VTA1: variants seen among roughly 807,000 people sequenced by gnomAD.
The protein encoded by VTA1 is vacuolar protein sorting-associated protein VTA1 homolog.
Under a neutral mutation model 36.9 loss-of-function variants are expected in VTA1, and 24 were observed. The ratio of observed to expected loss-of-function variants is 0.65; its 90% confidence interval spans 0.47 to 0.91. The LOEUF is 0.91. VTA1 is among the 40% of genes least tolerant of loss of function. The pLI is 0.00. For missense variants in VTA1, 393 were observed against 377.2 expected (o/e 1.04, Z -0.35); for synonymous variants, 142 against 130.2 (o/e 1.09, Z -0.62).
chr6:142,160,334 G>T (rs535185316), intron 1 of VTA1, among the ~76,000 whole-genome samples: 1 of 152,220 alleles, frequency 6.6e-6, no homozygotes, highest in Admixed American at 6.5e-5. Flanking sequence ...TTCTAACCCT[G>T]TGTGTGCATT....
At chr6:142,166,848 A>T (rs1426743827) in intron 2 of VTA1, among the ~76,000 whole-genome samples, 1 of 150,450 alleles carries the variant, frequency 6.6e-6, no homozygotes, top group African/African-American at 2.5e-5. Flanking sequence ...CCTGTCTGAA[A>T]CTCCTGACCT....
At chr6:142,217,317 G>A (rs1467068466) in intron 7 of VTA1, among the ~76,000 whole-genome samples, 1 of 152,018 alleles carries the variant, frequency 6.6e-6, no homozygotes, top group African/African-American at 2.4e-5. Context: ...TTAAAATGTG[G>A]GAAATAATTT....
intron 7 of VTA1, among the ~76,000 whole-genome samples, chr6:142,213,109 A>G (rs1418764339): frequency 6.6e-6 from 1 of 152,184 alleles, no homozygotes; most frequent in Non-Finnish European, 1.5e-5. Flanking sequence ...AGCCTGTAAA[A>G]TCAAAAACAA....
At chr6:142,178,951 A>G (rs1349905135) in intron 4 of VTA1, among the ~76,000 whole-genome samples, 1 of 152,162 alleles carries the variant, frequency 6.6e-6, no homozygotes, top group African/African-American at 2.4e-5. Flanking sequence ...TCAAGTGGCC[A>G]TAGATAAAAT....
intron 7 of VTA1, among the ~76,000 whole-genome samples, chr6:142,208,754 G>A (rs572612301): frequency 1.3e-5 from 2 of 152,170 alleles, no homozygotes; most frequent in East Asian, 1.9e-4. Context: ...CAGGCCAGTA[G>A]GTATTGGAAC....
chr6:142,206,523 G>C (rs981668782), intron 7 of VTA1, among the ~76,000 whole-genome samples: 19 of 152,156 alleles, frequency 1.2e-4, no homozygotes, highest in Middle Eastern at 3.2e-3. Context: ...GTTCTTCCCA[G>C]CTTGGTCTAT....
At chr6:142,206,447 G>A (rs1485574667) in intron 7 of VTA1, among the ~76,000 whole-genome samples, 1 of 152,196 alleles carries the variant, frequency 6.6e-6, no homozygotes, top group African/African-American at 2.4e-5. Flanking sequence ...TCATGAAAGA[G>A]TCAAAGAATT....
In VTA1 at chr6:142,147,304, C is replaced by A. The variant is rs781192805; in HGVS notation, c.17C>A (p.Pro6Gln). 11 of 1,614,068 alleles carry A rather than the reference C, an allele frequency of 6.8e-6. No homozygotes were observed. The South Asian group carries it at 1.1e-4, about 16-fold the overall frequency. MAALA[P>Q]LPPLPAQFKS... ...GGAGTAGAGATGGCCGCGCTTGCAC[C>A]GCTGCCCCCGCTCCCCGCACAGTTC... The change falls in exon 1 of 8, where the codon CCG becomes CAG. Residue 6 changes from proline (P) to glutamine (Q), a missense_variant. Transcript: ENST00000367630.
rs1776080993 is a variant in VTA1, at chr6:142,220,156, A to C, written c.*1513A>C. 6.6e-6 allele frequency: 1 copy of C among 152,220 alleles called. No homozygotes were observed. The highest frequency in any genetic ancestry group is 2.4e-5 in the African/African-American group (1 of 41,468). 9.4% of individuals were successfully genotyped at this position (152,220 alleles called of 1,614,324 possible). Reference sequence around the variant, plus strand: ...AAAGTCCCCAAACAACATGCCTCCTAAAAAACATTTTCCTATCTTTTACAA... The same window carrying C: ...AAAGTCCCCAAACAACATGCCTCCTCAAAAACATTTTCCTATCTTTTACAA... On this transcript the variant is annotated 3_prime_UTR_variant, in exon 8 of 8. Transcript: ENST00000367630.
intron 7 of VTA1, among the ~76,000 whole-genome samples, chr6:142,209,105 T>C (rs905748251): frequency 1.3e-5 from 2 of 152,094 alleles, no homozygotes; most frequent in African/African-American, 4.8e-5. Context: ...CATGATCTTA[T>C]GCCTATAAAA....
In VTA1 at chr6:142,194,396, GT is replaced by G. The variant is rs559342023; in HGVS notation, c.521-4042del. Among the ~76,000 whole-genome samples, 98 of 152,188 alleles carry G rather than the reference GT, an allele frequency of 6.4e-4. 1 individual carries two copies. The South Asian group carries it at 0.018, about 29-fold the overall frequency. On this transcript the variant is annotated intron_variant, in intron 5 of 7. Transcript: ENST00000367630. ...TTGTCTTTCAGTACATGAACATAATGTATCTTTCCATTTATTTAAGTTTTCT... is the reference window on the plus strand; with the variant it reads ...TTGTCTTTCAGTACATGAACATAATGATCTTTCCATTTATTTAAGTTTTCT...
chr6:142,210,968 A>G (rs1452618611), intron 7 of VTA1, among the ~76,000 whole-genome samples: 1 of 152,240 alleles, frequency 6.6e-6, no homozygotes, highest in East Asian at 1.9e-4. Flanking sequence ...TGTATACACA[A>G]TGGAATATTA....
intron 1 of VTA1, among the ~76,000 whole-genome samples, chr6:142,158,694 GTTTC>G (rs1288812033): frequency 6.6e-6 from 1 of 151,966 alleles, no homozygotes; most frequent in Admixed American, 6.6e-5. Flanking sequence ...TTTGTTGTTT[GTTTC>G]TTCTTTCTCC....
At chr6:142,197,144 G>A (rs1775567604) in intron 5 of VTA1, among the ~76,000 whole-genome samples, 2 of 152,162 alleles carry the variant, frequency 1.3e-5, no homozygotes, top group South Asian at 4.1e-4. Context: ...GTGCCTTTAT[G>A]TTGTGGAGCT....
At chr6:142,190,666 G>A (rs1000693910) in intron 5 of VTA1, among the ~76,000 whole-genome samples, 2 of 152,122 alleles carry the variant, frequency 1.3e-5, no homozygotes, top group Non-Finnish European at 2.9e-5. Flanking sequence ...AATTCCAAAC[G>A]ATCCTTGCAT....
chr6:142,198,119 A>ATGTGTGTGTGTG (rs71021658), intron 5 of VTA1, among the ~76,000 whole-genome samples: 145 of 98,240 alleles, frequency 1.5e-3, no homozygotes, highest in East Asian at 5.4e-3. Flanking sequence ...ATATATATAT[A>ATGTGTGTGTGTG]TGTGTGTGTG....
Position 142,224,009 on chromosome 6 carries a change from T to C in VTA1, c.*5366T>C, listed in dbSNP as rs1776157603. 1 of 152,180 alleles carries C rather than the reference T, an allele frequency of 6.6e-6. No homozygotes were observed. The highest frequency in any genetic ancestry group is 1.5e-5 in the Non-Finnish European group (1 of 68,052). 9.4% of individuals were successfully genotyped at this position (152,180 alleles called of 1,614,324 possible). On this transcript the variant is annotated 3_prime_UTR_variant, in exon 8 of 8. Coordinates refer to ENST00000367630, the MANE Select transcript of VTA1 (RefSeq NM_016485.5). ...GCTAGGGAATGTGTTATGACTAAAT[T>C]GTATCCCTTCAGAATTCATATTTTG...
chr6:142,187,108 A>G (rs902366519), intron 4 of VTA1, among the ~76,000 whole-genome samples: 7 of 152,206 alleles, frequency 4.6e-5, no homozygotes, highest in African/African-American at 9.7e-5. Context: ...ATATTTGGAT[A>G]TATAAAACAT....
intron 6 of VTA1, among the ~76,000 whole-genome samples, chr6:142,199,475 A>G (rs1562267356): frequency 6.6e-6 from 1 of 152,174 alleles, no homozygotes; most frequent in Non-Finnish European, 1.5e-5. Flanking sequence ...TAAAATAATT[A>G]ATGGAATGAT....
Sources: gnomAD v4.1 joint callset for allele counts (sites outside exome capture counted in the v4.1 genomes callset) on GRCh38, gnomAD v4.1.1 for gene constraint, MANE v1.5 for transcripts, NCBI Gene and HGNC (gene_info 2026-07-23, HGNC 2026-07-21) for gene names.